MACROD2: variants seen among roughly 807,000 people sequenced by gnomAD.
The protein encoded by MACROD2 is mono-ADP ribosylhydrolase 2, also known as ADP-ribose glycohydrolase MACROD2.
In MACROD2, 36 loss-of-function variants were observed where a neutral mutation model predicts 70.4. The ratio of observed to expected loss-of-function variants is 0.51; its 90% CI spans 0.39 to 0.68. The LOEUF is 0.68. Ranked by LOEUF, MACROD2 falls within the 30% of genes least tolerant of loss-of-function variation. The pLI is 0.00. For synonymous variants in MACROD2, 172 were observed against 178.8 expected (o/e 0.96, Z 0.30); for missense variants, 496 against 538.4 (o/e 0.92, Z 0.78).
At chr20:14,369,860 A>C (rs1376493180) in intron 3 of MACROD2, among the ~76,000 whole-genome samples, 1 of 152,226 alleles carries the variant, frequency 6.6e-6, no homozygotes, top group Non-Finnish European at 1.5e-5. Flanking sequence ...ATTTTCTTTC[A>C]CATAGTTTCA....
At position 15,921,888 on chromosome 20, in the gene MACROD2, A is replaced by T. The variant is rs576862325; in HGVS notation, c.776-11388A>T. 2.6e-5 allele frequency among the ~76,000 whole-genome samples: 4 copies of T among 152,350 alleles called. No homozygotes were observed. In the South Asian group the frequency reaches 8.3e-4, roughly 32 times the overall value. On this transcript the variant is annotated intron_variant, in intron 10 of 17. Coordinates refer to ENST00000684519, the MANE Select transcript of MACROD2 (RefSeq NM_001351661.2). ...ATTGTCCTGTGGGCAGCTGAGACTT[A>T]GTCCTGCGGGAGGACTCCGGGAAAT... is the stretch of plus-strand genomic sequence containing the variant.
In MACROD2 at chr20:14,224,003, C is replaced by T. The variant is rs116958526; in HGVS notation, c.271+138275C>T. On this transcript the variant is annotated intron_variant, in intron 3 of 17. Transcript: ENST00000684519. The stretch of plus-strand genomic sequence containing the variant: ...CGAAGGTGATCCGTTGGCAGAATTC[C>T]CTCTGCCTCAGGGGCGGTGAGTCAT... Among the ~76,000 whole-genome samples the T allele has an allele frequency of 1.6e-4, 25 of 152,254 alleles. 1 individual carries two copies. In the East Asian group the frequency reaches 4.8e-3, roughly 29 times the overall value.
At chr20:14,402,511 G>T (rs1257122425) in intron 3 of MACROD2, among the ~76,000 whole-genome samples, 1 of 152,006 alleles carries the variant, frequency 6.6e-6, no homozygotes, top group African/African-American at 2.4e-5. Flanking sequence ...ATGTGTGTAC[G>T]TATGTATGTC....
intron 6 of MACROD2, among the ~76,000 whole-genome samples, chr20:15,331,409 A>G (rs369976328): frequency 1.3e-5 from 2 of 151,708 alleles, no homozygotes; most frequent in East Asian, 1.9e-4. Flanking sequence ...TCTTTCATAA[A>G]TCAGTATATG....
At chr20:14,847,007 TA>T (rs1034968469) in intron 5 of MACROD2, among the ~76,000 whole-genome samples, 1 of 152,178 alleles carries the variant, frequency 6.6e-6, no homozygotes, top group Non-Finnish European at 1.5e-5. Flanking sequence ...GAAACTTATG[TA>T]CACATCGATG....
At chr20:15,039,668 C>A (rs529710452) in intron 5 of MACROD2, among the ~76,000 whole-genome samples, 1 of 151,974 alleles carries the variant, frequency 6.6e-6, no homozygotes, top group Non-Finnish European at 1.5e-5. Flanking sequence ...AAACAGAAAG[C>A]GACTCTACAG....
intron 6 of MACROD2, among the ~76,000 whole-genome samples, chr20:15,356,144 CT>C (rs1258073055): frequency 3.3e-5 from 5 of 152,094 alleles, no homozygotes; most frequent in African/African-American, 9.7e-5. Context: ...TCAGGAGTCA[CT>C]GGGTTCAAAC....
At chr20:14,048,815 A>G (rs1368863715) in intron 2 of MACROD2, among the ~76,000 whole-genome samples, 2 of 152,236 alleles carry the variant, frequency 1.3e-5, no homozygotes, top group African/African-American at 2.4e-5. Flanking sequence ...AGAATTACTA[A>G]TAATGTACTT....
At chr20:15,460,373 A>G (rs535961567) in intron 7 of MACROD2, among the ~76,000 whole-genome samples, 1 of 152,144 alleles carries the variant, frequency 6.6e-6, no homozygotes, top group Non-Finnish European at 1.5e-5. Context: ...AGCACCTGAG[A>G]ACCAGGCTTG....
At chr20:15,115,541 A>G (rs2075985765) in intron 5 of MACROD2, among the ~76,000 whole-genome samples, 1 of 152,108 alleles carries the variant, frequency 6.6e-6, no homozygotes, top group African/African-American at 2.4e-5. Flanking sequence ...TTCTTTCTAA[A>G]AGATTTTTCT....
chr20:15,997,275 T>G (rs1039203260), intron 15 of MACROD2, among the ~76,000 whole-genome samples: 7 of 152,184 alleles, frequency 4.6e-5, no homozygotes, highest in African/African-American at 1.7e-4. Flanking sequence ...TTACGTTGAA[T>G]GTATAGATCG....
intron 5 of MACROD2, among the ~76,000 whole-genome samples, chr20:15,226,978 A>G (rs1029055059): frequency 2.0e-5 from 3 of 152,212 alleles, no homozygotes; most frequent in African/African-American, 7.2e-5. Context: ...GTTACTCATA[A>G]GTACTATGGA....
chr20:14,652,937 A>G (rs530606484), intron 4 of MACROD2, among the ~76,000 whole-genome samples: 1 of 152,326 alleles, frequency 6.6e-6, no homozygotes, highest in Admixed American at 6.5e-5. Flanking sequence ...CAGTATAGCA[A>G]TATGGTGAGG....
At chr20:14,829,344 A>G (rs1042770062) in intron 5 of MACROD2, among the ~76,000 whole-genome samples, 1 of 151,490 alleles carries the variant, frequency 6.6e-6, no homozygotes, top group Non-Finnish European at 1.5e-5. Flanking sequence ...TTTAGCCAGG[A>G]TGGTCTCAAT....
chr20:14,208,089 C>G (rs1183658266), intron 3 of MACROD2, among the ~76,000 whole-genome samples: 3 of 152,102 alleles, frequency 2.0e-5, no homozygotes, highest in African/African-American at 7.2e-5. Context: ...CTGAACACTT[C>G]TTGAGGATTC....
chr20:14,713,882 T>A (rs1254761869), intron 5 of MACROD2, among the ~76,000 whole-genome samples: 1 of 152,176 alleles, frequency 6.6e-6, no homozygotes, highest in Non-Finnish European at 1.5e-5. Context: ...AGTGGCCTGA[T>A]AATTCTTAAT....
chr20:15,452,184 A>T (rs1333124249), intron 7 of MACROD2, among the ~76,000 whole-genome samples: 1 of 152,162 alleles, frequency 6.6e-6, no homozygotes, highest in Non-Finnish European at 1.5e-5. Flanking sequence ...ATCTGAAAAT[A>T]CCTTAAAATG....
intron 3 of MACROD2, among the ~76,000 whole-genome samples, chr20:14,356,200 TAAC>T (rs1201646153): frequency 6.6e-6 from 1 of 152,224 alleles, no homozygotes; most frequent in Non-Finnish European, 1.5e-5. Flanking sequence ...TTGGGAATAA[TAAC>T]ACTCTCTGTG....
At chr20:14,665,874 A>G (rs1043670331) in intron 4 of MACROD2, among the ~76,000 whole-genome samples, 1 of 152,076 alleles carries the variant, frequency 6.6e-6, no homozygotes, top group Non-Finnish European at 1.5e-5. Context: ...TGCACTCCAT[A>G]TGAATGTGGA....
Sources: gnomAD v4.1 joint callset for allele counts (sites outside exome capture counted in the v4.1 genomes callset) on GRCh38, gnomAD v4.1.1 for gene constraint, MANE v1.5 for transcripts, NCBI Gene and HGNC (gene_info 2026-07-23, HGNC 2026-07-21) for gene names.